RARB: variants seen among roughly 807,000 people sequenced by gnomAD.
RARB encodes the protein retinoic acid receptor beta.
A neutral mutation model predicts 51.9 loss-of-function variants in RARB; 17 were observed. The observed-to-expected ratio is 0.33, with a 90% CI of 0.22 to 0.49. The LOEUF is 0.49. Among genes scored for constraint, RARB ranks in the 20% least tolerant of loss-of-function variants. The pLI is 0.99. For missense variants in RARB, 369 were observed against 550.8 expected, an observed-to-expected ratio of 0.67 and a Z score of 3.30; for synonymous variants, 215 against 195.4, an observed-to-expected ratio of 1.10 and a Z score of -0.84.
chr3:25,245,132 G>A (rs1418056821), intron 5 of RARB, among the ~76,000 whole-genome samples: 1 of 151,468 alleles, frequency 6.6e-6, no homozygotes, highest in African/African-American at 2.4e-5. Context: ...TGCAACTCCT[G>A]TTTTTTTTGC....
At chr3:25,298,377 T>C (rs1431014161) in intron 5 of RARB, among the ~76,000 whole-genome samples, 1 of 152,068 alleles carries the variant, frequency 6.6e-6, no homozygotes, top group Non-Finnish European at 1.5e-5. Context: ...AGATGGGGTT[T>C]CACTGTGTTG....
intron 2 of RARB, among the ~76,000 whole-genome samples, chr3:25,500,018 A>C (rs2125603564): frequency 6.6e-6 from 1 of 152,338 alleles, no homozygotes; most frequent in Non-Finnish European, 1.5e-5. Context: ...ATTTCCTGTG[A>C]GTGTTAGATG....
At chr3:25,271,472 A>T (rs1010782004) in intron 5 of RARB, among the ~76,000 whole-genome samples, 7 of 152,234 alleles carry the variant, frequency 4.6e-5, no homozygotes, top group Admixed American at 2.0e-4. Context: ...GGCCAAAGGC[A>T]TCTACATTAG....
intron 2 of RARB, among the ~76,000 whole-genome samples, chr3:25,469,957 G>A (rs1232204195): frequency 6.6e-6 from 1 of 152,192 alleles, no homozygotes; most frequent in African/African-American, 2.4e-5. Context: ...GGGGAACGTG[G>A]AGGAGGGGTG....
chr3:24,913,648 TAA>T (rs1204690433), intron 2 of RARB, among the ~76,000 whole-genome samples: 5 of 152,144 alleles, frequency 3.3e-5, no homozygotes, highest in Admixed American at 6.5e-5. Context: ...TTCATCAAAA[TAA>T]AGTTACATCT....
intron 3 of RARB, among the ~76,000 whole-genome samples, chr3:25,519,614 C>G (rs536579247): frequency 3.3e-5 from 5 of 152,016 alleles, no homozygotes; most frequent in African/African-American, 9.7e-5. Context: ...TGTAACAACA[C>G]ATAAGATTTG....
intron 2 of RARB, among the ~76,000 whole-genome samples, chr3:24,915,913 T>A (rs1695097677): frequency 6.6e-6 from 1 of 152,010 alleles, no homozygotes; most frequent in Non-Finnish European, 1.5e-5. Flanking sequence ...CCTTAGTGCA[T>A]CAAGGGAGAG....
intron 3 of RARB, among the ~76,000 whole-genome samples, chr3:25,102,717 C>T (rs1252161214): frequency 6.6e-6 from 1 of 152,012 alleles, no homozygotes; most frequent in Non-Finnish European, 1.5e-5. Context: ...AGAGCTTTCT[C>T]AATTTCTGAA....
At chr3:25,130,893 A>AATATTATTG (rs1393023119) in intron 3 of RARB, among the ~76,000 whole-genome samples, 6 of 31,076 alleles carry the variant, frequency 1.9e-4, no homozygotes, top group African/African-American at 7.2e-4. Context: ...TATTATTGAT[A>AATATTATTG]ATATCAATAT....
chr3:25,303,329 T>C (rs1704083699), intron 5 of RARB, among the ~76,000 whole-genome samples: 1 of 152,218 alleles, frequency 6.6e-6, no homozygotes, highest in Admixed American at 6.5e-5. Flanking sequence ...CTTCAAGTGC[T>C]TTTAACAGTG....
intron 5 of RARB, among the ~76,000 whole-genome samples, chr3:25,255,143 C>A (rs1442072060): frequency 6.6e-6 from 1 of 152,148 alleles, no homozygotes; most frequent in South Asian, 2.1e-4. Flanking sequence ...GCATGAGCAT[C>A]AGATGAATGT....
upstream of RARB, among the ~76,000 whole-genome samples, chr3:25,427,788 T>C (rs763989412): frequency 1.3e-5 from 2 of 152,200 alleles, no homozygotes; most frequent in African/African-American, 2.4e-5. Context: ...GGCTTGCATG[T>C]GCTTTTTCTG....
At chr3:25,110,165 G>A (rs1363026633) in intron 3 of RARB, among the ~76,000 whole-genome samples, 1 of 152,172 alleles carries the variant, frequency 6.6e-6, no homozygotes, top group Non-Finnish European at 1.5e-5. Flanking sequence ...AATGGGATAT[G>A]GGAATTGCAA....
chr3:24,837,673 T>C (rs548204392), intron 1 of RARB, among the ~76,000 whole-genome samples: 2 of 152,356 alleles, frequency 1.3e-5, no homozygotes, highest in African/African-American at 4.8e-5. Context: ...ATTTTCTCTT[T>C]GTGTTAATTT....
At chr3:24,960,953 A>G (rs1696127489) in intron 2 of RARB, among the ~76,000 whole-genome samples, 1 of 152,198 alleles carries the variant, frequency 6.6e-6, no homozygotes, top group Non-Finnish European at 1.5e-5. Flanking sequence ...GAGGGTAACT[A>G]GTGGCGGGGC....
At chr3:25,503,290 C>T (rs1459340255) in intron 3 of RARB, among the ~76,000 whole-genome samples, 1 of 152,230 alleles carries the variant, frequency 6.6e-6, no homozygotes, top group East Asian at 1.9e-4. Context: ...GGATGATCAC[C>T]TTCTGCTCTA....
chr3:24,873,022 T>C (rs540291003), intron 2 of RARB, among the ~76,000 whole-genome samples: 1 of 152,358 alleles, frequency 6.6e-6, no homozygotes, highest in East Asian at 1.9e-4. Flanking sequence ...TTTACAGCTA[T>C]TCAACTCAGC....
chr3:25,405,241 G>A (rs1181977019), intron 5 of RARB, among the ~76,000 whole-genome samples: 1 of 152,132 alleles, frequency 6.6e-6, no homozygotes, highest in African/African-American at 2.4e-5. Context: ...TATATTGGCT[G>A]GGCACAATGG....
chr3:25,155,124 C>T (rs1700353318), intron 4 of RARB, among the ~76,000 whole-genome samples: 1 of 152,090 alleles, frequency 6.6e-6, no homozygotes, highest in African/African-American at 2.4e-5. Context: ...CATTATATTC[C>T]ATCTAAAATG....
Sources: allele counts gnomAD v4.1 joint callset (sites outside exome capture counted in the v4.1 genomes callset), GRCh38; gene constraint gnomAD v4.1.1; transcripts MANE v1.5; gene names NCBI Gene and HGNC (gene_info 2026-07-23, HGNC 2026-07-21).